PRICKLE4: variants seen among roughly 807,000 people sequenced by gnomAD.
The protein encoded by PRICKLE4 is prickle-like protein 4.
PRICKLE4 carries 40 observed loss-of-function variants against 43.5 expected under a neutral mutation model. That is an observed-to-expected ratio of 0.92 (90% CI 0.71 to 1.20). The LOEUF (loss-of-function observed/expected upper bound fraction) is 1.20, where lower values mean the gene tolerates loss of function less well. Among genes scored for constraint, PRICKLE4 ranks in the 50% most tolerant of loss-of-function variants. The probability of loss-of-function intolerance (pLI) is 0.00; values close to 1 mark genes in which losing one functional copy is unlikely to be tolerated. For missense variants in PRICKLE4, 527 were observed against 491.2 expected (o/e 1.07, Z -0.69); for synonymous variants, 208 against 197.4 (o/e 1.05, Z -0.45).
In PRICKLE4 at chr6:41,786,347, G is replaced by A. The variant is rs1406816211; in HGVS notation, c.787+15G>A. On this transcript the variant is annotated intron_variant, in intron 7 of 7. Coordinates refer to ENST00000458694, the MANE Select transcript of PRICKLE4 (RefSeq NM_013397.6). ...GGCATTCCTTGGTAAGGGAGAGGAT[G>A]CAGAGCAAAGCGGGAGGGAGCTTGG... 1 of 1,548,538 alleles carries A rather than the reference G, an allele frequency of 6.5e-7. No individual in the cohort carries two copies.
At chr6:41,783,406 TC>T (rs1208843059) in intron 2 of PRICKLE4, 55 bp from the exon 3 acceptor site, 6 of 1,426,690 alleles carry the variant, frequency 4.2e-6, no homozygotes, top group Non-Finnish European at 4.8e-6. Context: ...ACTTAACACT[TC>T]CTAGCACATT....
At position 41,783,527 on chromosome 6, in the gene PRICKLE4, G is replaced by A. The variant is rs1032938465; in HGVS notation, c.54G>A (p.Gln18=). 6.2e-7 allele frequency: 1 copy of A among 1,603,368 alleles called. No individual in the cohort carries two copies. Among genetic ancestry groups the A allele is most frequent in the Non-Finnish European group, 8.5e-7 (1 of 1,170,652 alleles). ...WPHQEDSPKP[Q]DPGPPANSDS... ...ACCAAGAAGACAGCCCCAAGCCCCA[G>A]GATCCAGGTCCACCAGCCAACTCAG... Residue 18 remains glutamine (Q), a synonymous_variant, in exon 3 of 8, where the codon CAG becomes CAA. Coordinates refer to ENST00000458694, the MANE Select transcript of PRICKLE4 (RefSeq NM_013397.6).
At chr6:41,782,385 T>TACCCC in intron 2 of PRICKLE4, among the ~76,000 whole-genome samples, 1 of 90,592 alleles carries the variant, frequency 1.1e-5, no homozygotes, top group South Asian at 4.5e-4. Context: ...GGTCACTTCT[T>TACCCC]CTTTTTTTTT....
rs1385102539 is a variant in PRICKLE4, at chr6:41,786,534, C to T, written c.787+202C>T. 4.0e-6 allele frequency: 4 copies of T among 1,001,286 alleles called. No homozygotes were observed. The East Asian group carries it at 1.2e-4, about 29-fold the overall frequency. The allele number at this position is 1,001,286 out of a possible 1,614,324, so 62.0% of individuals were successfully genotyped here. On this transcript the variant is annotated intron_variant, in intron 7 of 7. Coordinates refer to ENST00000458694, the MANE Select transcript of PRICKLE4 (RefSeq NM_013397.6). ...GAGCGTTCCAAGGGCCGCCCGAACC[C>T]ACCCCGCGCCGCGGTCGGGGTTGCG...
rs747494705 is a variant in PRICKLE4, at chr6:41,783,575, G to A, written c.102G>A (p.Pro34=). 79 of 1,613,422 alleles carry A rather than the reference G, an allele frequency of 4.9e-5. No homozygotes were observed. The Middle Eastern group carries it at 6.6e-4, about 13-fold the overall frequency. The change falls in exon 3 of 8, where the codon CCG becomes CCA. Residue 34 remains proline (P), a synonymous_variant. Transcript: ENST00000458694. ...CAGACAGTGACTCAGGCCACCTGCC[G>A]GGGGAGGACCCTGAGGATACCCATG... is the stretch of plus-strand genomic sequence containing the variant. ...ANSDSDSGHL[P]GEDPEDTHAQ...
intron 4 of PRICKLE4, among the ~76,000 whole-genome samples, chr6:41,784,638 G>C (rs752003629): frequency 6.6e-6 from 1 of 152,208 alleles, no homozygotes; most frequent in African/African-American, 2.4e-5. Context: ...TGCAAGAATG[G>C]GAAGTGATAC....
At position 41,786,208 on chromosome 6, in the gene PRICKLE4, G is replaced by A. The variant is rs1052451846; in HGVS notation, c.663G>A (p.Gly221=). Residue 221 remains glycine (G), a synonymous_variant, in exon 7 of 8, where the codon GGG becomes GGA. Coordinates refer to ENST00000458694, the MANE Select transcript of PRICKLE4 (RefSeq NM_013397.6). ...ACTTCTGTTGCCAGGACTGCGCCGG[G>A]CCTCTGGGCGGGGGACGTTATGCCC... ...ENHFCCQDCA[G]PLGGGRYALP... 6.2e-7 allele frequency: 1 copy of A among 1,609,028 alleles called. No homozygotes were observed. The highest frequency in any genetic ancestry group is 8.5e-7 in the Non-Finnish European group (1 of 1,176,350).
rs919363123 is a variant in PRICKLE4 at position 41,786,928 on chromosome 6, G to A, written c.954G>A (p.Glu318=). 6 of 1,613,770 alleles carry A rather than the reference G, an allele frequency of 3.7e-6. No individual in the cohort carries two copies. Among genetic ancestry groups the A allele is most frequent in the East Asian group, 2.2e-5 (1 of 44,882 alleles). Residue 318 remains glutamate, a synonymous_variant, in exon 8 of 8, where the codon GAG becomes GAA. Transcript: ENST00000458694. ...QQENRPGDKA[E]APKGQEQCRL... ...AGAACCGACCTGGGGACAAAGCGGA[G>A]GCACCCAAAGGGCAGGAGCAATGCC...
At chr6:41,784,814 G>C (rs1460098070) in intron 4 of PRICKLE4, 121 bp from the exon 5 acceptor site, 1 of 1,258,282 alleles carries the variant, frequency 7.9e-7, no homozygotes, top group Admixed American at 2.2e-5. Context: ...ATTATCTCTG[G>C]CATCTCCCTG....
chr6:41,783,111 G>A (rs1425143887), intron 2 of PRICKLE4, among the ~76,000 whole-genome samples: 6 of 152,204 alleles, frequency 3.9e-5, no homozygotes, highest in Non-Finnish European at 8.8e-5. Flanking sequence ...GATGAGGTAA[G>A]GAGAGAGTGT....
At chr6:41,785,601 G>A (rs993558982) in intron 6 of PRICKLE4, 61 bp downstream of exon 6, 1 of 1,521,726 alleles carries the variant, frequency 6.6e-7, no homozygotes, top group Non-Finnish European at 9.0e-7. Context: ...AGGATACAAA[G>A]GGACACTCTC....
Position 41,784,966 on chromosome 6 carries a change from A to G in PRICKLE4, c.272A>G (p.Glu91Gly). Reference protein sequence around the residue: ...ERYCLALGEEERAELQLFCAR... With the variant: ...ERYCLALGEEGRAELQLFCAR... ...TACTGCCTGGCCCTTGGGGAGGAGG[A>G]GCGGGCCGAGCTGCAGCTCTTCTGT... The change falls in exon 5 of 8, where the codon GAG becomes GGG. Residue 91 changes from glutamate (E) to glycine (G), a missense_variant. By Grantham distance (98) the Glu-to-Gly change is moderately conservative. Coordinates refer to ENST00000458694, the MANE Select transcript of PRICKLE4 (RefSeq NM_013397.6). The G allele has an allele frequency of 6.2e-7, 1 of 1,613,934 alleles. No homozygotes were observed. The highest frequency in any genetic ancestry group is 8.5e-7 in the Non-Finnish European group (1 of 1,179,956).
In PRICKLE4 at chr6:41,783,601, C is replaced by G; in HGVS notation, c.128C>G (p.Ala43Gly). The change falls in exon 3 of 8, where the codon GCT becomes GGT. Residue 43 changes from alanine (A) to glycine (G), a missense_variant. Transcript: ENST00000458694. ...LPGEDPEDTH[A>G]QGPAVLSLGS... Reference sequence around the variant, plus strand: ...GGGGAGGACCCTGAGGATACCCATGCTCAGGTAGTAGAGTCGTGCCCTTCC... The same window carrying G: ...GGGGAGGACCCTGAGGATACCCATGGTCAGGTAGTAGAGTCGTGCCCTTCC... The G allele has an allele frequency of 6.2e-7, 1 of 1,613,374 alleles. No individual in the cohort carries two copies.
chr6:41,783,532 C>G lies in PRICKLE4; in HGVS notation c.59C>G (p.Pro20Arg). 6.2e-7 allele frequency: 1 copy of G among 1,607,492 alleles called. No homozygotes were observed. The highest frequency in any genetic ancestry group is 8.5e-7 in the Non-Finnish European group (1 of 1,174,264). ...HQEDSPKPQD[P>R]GPPANSDSDS... The stretch of plus-strand genomic sequence containing the variant: ...GAAGACAGCCCCAAGCCCCAGGATC[C>G]AGGTCCACCAGCCAACTCAGACAGT... The change falls in exon 3 of 8, where the codon CCA (proline) becomes CGA (arginine). Residue 20 changes from proline to arginine, a missense_variant. Pro to Arg is a moderately radical substitution (Grantham distance 103). Transcript: ENST00000458694.
At position 41,787,358 on chromosome 6, in the gene PRICKLE4, G is replaced by A. The variant is rs1772683980; in HGVS notation, c.*229G>A. On this transcript the variant is annotated 3_prime_UTR_variant, in exon 8 of 8. Coordinates refer to ENST00000458694, the MANE Select transcript of PRICKLE4 (RefSeq NM_013397.6). ...CATTCCCCAAAGCTACGCTTCCCCT[G>A]CTGAGATAGCCCCTACCCCCACCTC... 4.5e-6 allele frequency: 3 copies of A among 673,700 alleles called. No individual in the cohort carries two copies. The highest frequency in any genetic ancestry group is 7.2e-6 in the Non-Finnish European group (3 of 414,668). The allele number at this position is 673,700 out of a possible 1,614,324, so 41.7% of individuals were successfully genotyped here.
chr6:41,784,968 C>G lies in PRICKLE4; in HGVS notation c.274C>G (p.Arg92Gly), dbSNP rs147741170. Residue 92 changes from arginine (R) to glycine (G), a missense_variant, in exon 5 of 8, where the codon CGG (arginine) becomes GGG (glycine). Coordinates refer to ENST00000458694, the MANE Select transcript of PRICKLE4 (RefSeq NM_013397.6). ...RYCLALGEEE[R>G]AELQLFCARR... ...CTGCCTGGCCCTTGGGGAGGAGGAGCGGGCCGAGCTGCAGCTCTTCTGTGC... is the reference window on the plus strand; with the variant it reads ...CTGCCTGGCCCTTGGGGAGGAGGAGGGGGCCGAGCTGCAGCTCTTCTGTGC... 3.1e-6 allele frequency: 5 copies of G among 1,613,870 alleles called. No individual in the cohort carries two copies. The highest frequency in any genetic ancestry group is 4.2e-6 in the Non-Finnish European group (5 of 1,180,000).
At chr6:41,784,424 A>G (rs1163934357) in intron 4 of PRICKLE4, among the ~76,000 whole-genome samples, 186 bp downstream of exon 4, 1 of 152,272 alleles carries the variant, frequency 6.6e-6, no homozygotes, top group African/African-American at 2.4e-5. Flanking sequence ...CAGGTGCAAT[A>G]ACATCTGCTC....
intron 4 of PRICKLE4, 74 bp from the exon 5 acceptor site, chr6:41,784,861 C>T (rs1772613246): frequency 2.5e-6 from 4 of 1,583,426 alleles, no homozygotes; most frequent in African/African-American, 2.7e-5. Flanking sequence ...GCAGCCAAGC[C>T]CTTTTTCCTC....
At chr6:41,785,602 G>A in intron 6 of PRICKLE4, 62 bp downstream of exon 6, 9 of 1,519,148 alleles carry the variant, frequency 5.9e-6, no homozygotes, top group African/African-American at 1.4e-5. Flanking sequence ...GGATACAAAG[G>A]GACACTCTCC....
Sources: gnomAD v4.1 joint callset for allele counts (sites outside exome capture counted in the v4.1 genomes callset) on GRCh38, gnomAD v4.1.1 for gene constraint, MANE v1.5 for transcripts, NCBI Gene and HGNC (gene_info 2026-07-23, HGNC 2026-07-21) for gene names.